EIF2S2: variants seen among roughly 807,000 people sequenced by gnomAD.
EIF2S2 encodes eukaryotic translation initiation factor 2 subunit beta.
In EIF2S2, 4 loss-of-function variants were observed where a neutral mutation model predicts 44.0. The observed-to-expected ratio is 0.09, with a 90% CI of 0.04 to 0.21. The LOEUF (loss-of-function observed/expected upper bound fraction) is 0.21, where lower values mean the gene tolerates loss of function less well. EIF2S2 is among the 10% of genes least tolerant of loss of function. The pLI, the probability that EIF2S2 is intolerant of heterozygous loss-of-function variation, is 1.00. For missense variants in EIF2S2, 154 were observed against 392.0 expected (o/e 0.39, Z 5.13); for synonymous variants, 108 against 128.3 (o/e 0.84, Z 1.07).
At chr20:34,091,809 A>T (rs1320026010) in intron 7 of EIF2S2, among the ~76,000 whole-genome samples, 1 of 144,892 alleles carries the variant, frequency 6.9e-6, no homozygotes, top group East Asian at 2.1e-4. Context: ...GAGGTTTAAT[A>T]GGCAAAAGAG....
At chr20:34,102,119 G>A (rs2034302453) in intron 3 of EIF2S2, among the ~76,000 whole-genome samples, 1 of 152,248 alleles carries the variant, frequency 6.6e-6, no homozygotes, top group African/African-American at 2.4e-5. Context: ...ATCCTCTTAT[G>A]TTATGCCTTC....
chr20:34,108,984 C>A (rs888427347), intron 1 of EIF2S2, among the ~76,000 whole-genome samples: 46 of 150,238 alleles, frequency 3.1e-4, no homozygotes, highest in Admixed American at 1.5e-3. Context: ...GTTGCCCAGG[C>A]TGAAATGTAG....
intron 3 of EIF2S2, among the ~76,000 whole-genome samples, chr20:34,099,306 G>A (rs535964271): frequency 2.0e-5 from 3 of 151,698 alleles, no homozygotes; most frequent in East Asian, 3.9e-4. Flanking sequence ...GCAGTGAGTT[G>A]AGATCGTGCC....
intron 6 of EIF2S2, among the ~76,000 whole-genome samples, chr20:34,096,145 TGA>T (rs530438312): frequency 7.8e-4 from 119 of 152,282 alleles, no homozygotes; most frequent in African/African-American, 2.8e-3. Context: ...CCAAGGCTCC[TGA>T]GAACTACATT....
chr20:34,103,420 G>C (rs1453264717), intron 3 of EIF2S2, 42 bp downstream of exon 3: 2 of 1,505,596 alleles, frequency 1.3e-6, no homozygotes, highest in Admixed American at 4.2e-5. Flanking sequence ...TAGCAACCTT[G>C]CAAGAGGTCA....
intron 7 of EIF2S2, among the ~76,000 whole-genome samples, chr20:34,091,775 T>C (rs1476882791): frequency 3.0e-5 from 2 of 65,798 alleles, no homozygotes; most frequent in Non-Finnish European, 5.4e-5. Flanking sequence ...ATTTATTTTT[T>C]TGGGGGGGGG....
chr20:34,108,323 T>C (rs1486104968), intron 1 of EIF2S2: 1 of 152,142 alleles, frequency 6.6e-6, no homozygotes, highest in Non-Finnish European at 1.5e-5. Context: ...ATAATTAACA[T>C]CTCTCTCAAT....
At chr20:34,093,860 T>TC in intron 6 of EIF2S2, 129 bp from the exon 7 acceptor site, 2 of 787,274 alleles carry the variant, frequency 2.5e-6, no homozygotes, top group Non-Finnish European at 4.0e-6. Context: ...ACCATTTATT[T>TC]AAACTTTGAA....
chr20:34,096,829 T>A, intron 5 of EIF2S2, 24 bp from the exon 6 acceptor site: 1 of 1,596,994 alleles, frequency 6.3e-7, no homozygotes, highest in Non-Finnish European at 8.5e-7. Context: ...GTGGTATTCA[T>A]GAATACGCTT....
chr20:34,089,525 C>G lies in EIF2S2; in HGVS notation c.*205G>C. On this transcript the variant is annotated 3_prime_UTR_variant, in exon 9 of 9. Coordinates refer to ENST00000374980, the MANE Select transcript of EIF2S2 (RefSeq NM_003908.5). ...AAAAGCACCTCCTTACCCCATATCA[C>G]GTTTCTCTGACAGGTGTTAAAGTAG... is the stretch of plus-strand genomic sequence containing the variant. The G allele has an allele frequency of 1.8e-6, 1 of 540,954 alleles. No homozygotes were observed. Among genetic ancestry groups the G allele is most frequent in the Non-Finnish European group, 3.2e-6 (1 of 312,766 alleles). The allele number at this position is 540,954 out of a possible 1,614,324, so 33.5% of individuals were successfully genotyped here.
intron 6 of EIF2S2, among the ~76,000 whole-genome samples, chr20:34,095,283 TA>T (rs995772740): frequency 1.1e-3 from 158 of 149,928 alleles, no homozygotes; most frequent in African/African-American, 3.6e-3. Context: ...AACAGAAAAA[TA>T]TTAAACTATG....
chr20:34,106,833 A>G lies in EIF2S2; in HGVS notation c.16-1288T>C, dbSNP rs377555230. ...TGCACTGATCACTTGAAGAAAGAAA[A>G]GTTATCTAGACATAATAGTTTAAAC... is the stretch of plus-strand genomic sequence containing the variant. On this transcript the variant is annotated intron_variant, in intron 1 of 8. Transcript: ENST00000374980. Among the ~76,000 whole-genome samples, 5 of 152,192 alleles carry G rather than the reference A, an allele frequency of 3.3e-5. No homozygotes were observed. The East Asian group carries it at 7.7e-4, about 23-fold the overall frequency.
intron 6 of EIF2S2, 139 bp downstream of exon 6, chr20:34,096,518 G>C (rs2034230806): frequency 2.5e-6 from 2 of 801,962 alleles, no homozygotes; most frequent in African/African-American, 3.5e-5. Context: ...TGACAGGCTT[G>C]AACGGTGAAC....
Position 34,097,447 on chromosome 20 carries a change from G to C in EIF2S2, c.503C>G (p.Ala168Gly). The C allele has an allele frequency of 6.2e-7, 1 of 1,613,660 alleles. No individual in the cohort carries two copies. Among genetic ancestry groups the C allele is most frequent in the Non-Finnish European group, 8.5e-7 (1 of 1,179,868 alleles). ...GTATGTGTAGTCTCTTTCTGAGCCT[G>C]CCCAAGCAGGGCCTGTCTGATTACT... The part of the protein sequence containing the change: ...SFSNQTGPAW[A>G]GSERDYTYEE... Residue 168 changes from alanine to glycine, a missense_variant, in exon 5 of 9, where the codon GCA becomes GGA. Transcript: ENST00000374980.
At chr20:34,111,998 G>T in intron 1 of EIF2S2, 98 bp downstream of exon 1, 1 of 1,261,754 alleles carries the variant, frequency 7.9e-7, no homozygotes, top group Non-Finnish European at 1.0e-6. Context: ...TCACATGGCG[G>T]CGGCCGGCTG....
chr20:34,103,420 G>A (rs1453264717), intron 3 of EIF2S2, 42 bp downstream of exon 3: 7 of 1,505,478 alleles, frequency 4.6e-6, no homozygotes, highest in Admixed American at 2.1e-5. Context: ...TAGCAACCTT[G>A]CAAGAGGTCA....
intron 2 of EIF2S2, among the ~76,000 whole-genome samples, chr20:34,103,781 A>G (rs2034320015): frequency 6.6e-6 from 1 of 151,214 alleles, no homozygotes. Flanking sequence ...ATCTCAGCTC[A>G]CTGCAACCTC....
chr20:34,098,020 CG>C (rs778349067), intron 4 of EIF2S2, among the ~76,000 whole-genome samples: 3 of 152,004 alleles, frequency 2.0e-5, no homozygotes, highest in Non-Finnish European at 2.9e-5. Context: ...CCGAGGCGGA[CG>C]GATCACCTGA....
chr20:34,103,341 G>A, intron 3 of EIF2S2, 121 bp downstream of exon 3: 1 of 1,309,866 alleles, frequency 7.6e-7, no homozygotes, highest in Non-Finnish European at 1.0e-6. Context: ...GCTACCAGTG[G>A]CAATTAAGTG....
Sources: gnomAD v4.1 joint callset for allele counts (sites outside exome capture counted in the v4.1 genomes callset) on GRCh38, gnomAD v4.1.1 for gene constraint, MANE v1.5 for transcripts, NCBI Gene and HGNC (gene_info 2026-07-23, HGNC 2026-07-21) for gene names.